The following MYO16 variants were observed in gnomAD, a reference collection of about 807,000 sequenced individuals.
The protein encoded by MYO16 is myosin XVI.
Under a neutral mutation model 205.3 loss-of-function variants are expected in MYO16, and 94 were observed. The observed-to-expected ratio is 0.46, with a 90% confidence interval of 0.39 to 0.54. The LOEUF is 0.54. Among genes scored for constraint, MYO16 ranks in the 20% least tolerant of loss-of-function variants. MYO16 has a pLI of 0.00. For missense variants in MYO16, 2,315 were observed against 2,387.5 expected (o/e 0.97, Z 0.63); for synonymous variants, 988 against 954.0 (o/e 1.04, Z -0.66).
At chr13:108,718,515 C>T (rs978668784) in intron 3 of MYO16, among the ~76,000 whole-genome samples, 2 of 151,596 alleles carry the variant, frequency 1.3e-5, no homozygotes, top group African/African-American at 4.8e-5. Flanking sequence ...GAATGGGGGC[C>T]CCATGGAGGA....
At chr13:108,915,530 ATT>A (rs1881460935) in intron 16 of MYO16, among the ~76,000 whole-genome samples, 1 of 152,158 alleles carries the variant, frequency 6.6e-6, no homozygotes, top group African/African-American at 2.4e-5. Flanking sequence ...GGCTATTTCA[ATT>A]TTTCTTACCC....
chr13:109,129,072 T>C (rs1250263550), intron 31 of MYO16, among the ~76,000 whole-genome samples: 1 of 133,156 alleles, frequency 7.5e-6, no homozygotes, highest in Non-Finnish European at 1.6e-5. Context: ...GCGCCAGGCC[T>C]TTTTTTTTTT....
At chr13:108,778,574 G>T (rs9521039) in intron 4 of MYO16, among the ~76,000 whole-genome samples, 1 of 151,796 alleles carries the variant, frequency 6.6e-6, no homozygotes, top group Non-Finnish European at 1.5e-5. Context: ...AGCCAAGATC[G>T]CGCCACTGCA....
chr13:108,677,532 T>A (rs1272775726), intron 2 of MYO16, among the ~76,000 whole-genome samples: 1 of 151,756 alleles, frequency 6.6e-6, no homozygotes, highest in African/African-American at 2.4e-5. Context: ...TACATGCACA[T>A]ATATATTTAT....
At position 109,138,833 on chromosome 13, in the gene MYO16, A is replaced by C. The variant is rs562602976; in HGVS notation, c.4052-1431A>C. On this transcript the variant is annotated intron_variant, in intron 31 of 34. Coordinates refer to ENST00000457511, the MANE Select transcript of MYO16 (RefSeq NM_001198950.3). ...TTTAATTTATTTATTTATTTATTTAATTTGAGACCAAGTCTCACTCTGTCG... is the reference window on the plus strand; with the variant it reads ...TTTAATTTATTTATTTATTTATTTACTTTGAGACCAAGTCTCACTCTGTCG... 2.0e-5 allele frequency among the ~76,000 whole-genome samples: 3 copies of C among 151,968 alleles called. No homozygotes were observed. In the East Asian group the frequency reaches 5.8e-4, roughly 29 times the overall value.
intron 32 of MYO16, among the ~76,000 whole-genome samples, chr13:109,156,411 G>A (rs1353264511): frequency 6.6e-6 from 1 of 152,156 alleles, no homozygotes; most frequent in Non-Finnish European, 1.5e-5. Flanking sequence ...TTCCTATAGA[G>A]TTTCAGAATG....
chr13:108,649,735 T>G (rs564105504), intron 1 of MYO16, among the ~76,000 whole-genome samples: 3 of 152,266 alleles, frequency 2.0e-5, no homozygotes, highest in Admixed American at 6.5e-5. Flanking sequence ...GGTGAGAGAA[T>G]AAAGCCAAGG....
In MYO16 at chr13:108,883,865, T is replaced by A. The variant is rs147337549; in HGVS notation, c.1553+679T>A. ...GTCTCAAACTCCTGGGCTCAAGCGA[T>A]CCTCTTGTCACAGCCTCTCAAAGTG... is the stretch of plus-strand genomic sequence containing the variant. On this transcript the variant is annotated intron_variant, in intron 13 of 34. Transcript: ENST00000457511. Among the ~76,000 whole-genome samples, 436 of 152,292 alleles carry A rather than the reference T, an allele frequency of 2.9e-3. 2 individuals are homozygous for A. The highest frequency in any genetic ancestry group is 9.2e-3 in the African/African-American group (383 of 41,564).
At chr13:108,897,323 C>T (rs1215711643) in intron 14 of MYO16, among the ~76,000 whole-genome samples, 1 of 152,134 alleles carries the variant, frequency 6.6e-6, no homozygotes, top group African/African-American at 2.4e-5. Flanking sequence ...GGAAACATGT[C>T]AAGGAAGAAT....
intron 1 of MYO16, among the ~76,000 whole-genome samples, chr13:108,631,149 T>C (rs1879962066): frequency 6.6e-6 from 1 of 152,250 alleles, no homozygotes; most frequent in African/African-American, 2.4e-5. Context: ...GGTTTTTGTA[T>C]TGCCTCTCGT....
the MYO16 span, among the ~76,000 whole-genome samples, chr13:108,509,844 T>C: frequency 6.6e-6 from 1 of 152,104 alleles, no homozygotes; most frequent in Non-Finnish European, 1.5e-5. Flanking sequence ...GCCCAGGACT[T>C]TTCTTGCATC....
chr13:108,854,398 A>G (rs966299184), intron 10 of MYO16, among the ~76,000 whole-genome samples: 3 of 152,178 alleles, frequency 2.0e-5, no homozygotes, highest in Non-Finnish European at 4.4e-5. Context: ...ATCCACTAAT[A>G]TCAGAAAAAA....
At chr13:108,523,509 T>G in the MYO16 span, among the ~76,000 whole-genome samples, 1 of 152,192 alleles carries the variant, frequency 6.6e-6, no homozygotes, top group Non-Finnish European at 1.5e-5. Context: ...TTGTTCATTA[T>G]TCTGCAGACC....
chr13:108,901,676 A>G (rs1033157632), intron 15 of MYO16, among the ~76,000 whole-genome samples: 2 of 152,164 alleles, frequency 1.3e-5, no homozygotes, highest in African/African-American at 4.8e-5. Context: ...CCCCTAATTA[A>G]CATCCTTAAT....
At chr13:108,952,856 A>T (rs1260209212) in intron 16 of MYO16, among the ~76,000 whole-genome samples, 1 of 152,202 alleles carries the variant, frequency 6.6e-6, no homozygotes, top group African/African-American at 2.4e-5. Flanking sequence ...ATAATATAGA[A>T]GATACTGAAT....
At chr13:108,831,923 T>C (rs1231153383) in intron 9 of MYO16, among the ~76,000 whole-genome samples, 2 of 152,168 alleles carry the variant, frequency 1.3e-5, no homozygotes, top group African/African-American at 4.8e-5. Context: ...TTTCTTGTTA[T>C]GTGAGAAAAA....
intron 9 of MYO16, among the ~76,000 whole-genome samples, chr13:108,836,818 C>G (rs1876947370): frequency 6.6e-6 from 1 of 152,094 alleles, no homozygotes; most frequent in Non-Finnish European, 1.5e-5. Flanking sequence ...GGTTATTTAC[C>G]CAATGCCTGT....
At chr13:108,972,249 C>CTCTCTCTCTCTATATATATA (rs1178345437) in intron 20 of MYO16, among the ~76,000 whole-genome samples, 3 of 2,848 alleles carry the variant, frequency 1.1e-3, no homozygotes, top group East Asian at 0.015. Flanking sequence ...CTCTCTCTCT[C>CTCTCTCTCTCTATATATATA]TATATATATA....
At chr13:109,185,664 C>T (rs1281801550) in intron 34 of MYO16, among the ~76,000 whole-genome samples, 1 of 152,120 alleles carries the variant, frequency 6.6e-6, no homozygotes, top group Non-Finnish European at 1.5e-5. Flanking sequence ...TTTAATAAGT[C>T]TTAACATTTT....
Sources: gnomAD v4.1 joint callset for allele counts (sites outside exome capture counted in the v4.1 genomes callset) on GRCh38, gnomAD v4.1.1 for gene constraint, MANE v1.5 for transcripts, NCBI Gene and HGNC (gene_info 2026-07-23, HGNC 2026-07-21) for gene names.